The following PADI3 variants were observed in gnomAD, a reference collection of about 807,000 sequenced individuals.
PADI3 encodes the protein protein-arginine deiminase type-3.
In PADI3, 53 loss-of-function variants were observed where a neutral mutation model predicts 71.5. The observed-to-expected ratio is 0.74, with a 90% confidence interval of 0.59 to 0.93. The LOEUF is 0.93. PADI3 is among the 40% of genes least tolerant of loss of function. The probability of loss-of-function intolerance (pLI) is 0.00; values close to 1 mark genes in which losing one functional copy is unlikely to be tolerated. For missense variants in PADI3, 821 were observed against 868.0 expected, an observed-to-expected ratio of 0.95 and a Z score of 0.68; for synonymous variants, 361 against 347.5, an observed-to-expected ratio of 1.04 and a Z score of -0.43.
Position 17,273,372 on chromosome 1 carries a change from G to T in PADI3, c.1080G>T (p.Pro360=), listed in dbSNP as rs150939554. ...TGGAGCTGGGCTACGTTCAGGCGCC[G>T]CACAAGACCCTCCCGGTGGTCTTTG... ...DEMELGYVQA[P]HKTLPVVFDS... is the part of the protein sequence containing the mutation. The change falls in exon 10 of 16, where the codon CCG becomes CCT. Residue 360 remains proline (P), a synonymous_variant. Transcript: ENST00000375460. 1,216 of 1,613,406 alleles carry T rather than the reference G, an allele frequency of 7.5e-4. 10 individuals carry two copies. In the East Asian group the frequency reaches 0.025, roughly 33 times the overall value.
chr1:17,282,869 G>A lies in PADI3; in HGVS notation c.1785G>A (p.Lys595=). 1 of 1,613,084 alleles carries A rather than the reference G, an allele frequency of 6.2e-7. No individual in the cohort carries two copies. The highest frequency in any genetic ancestry group is 8.5e-7 in the Non-Finnish European group (1 of 1,179,544). ...PDLVNMLVLG[K]HLGIPKPFGP... ...AGGTGAACATGCTGGTGCTGGGGAAGCACCTGGGCATCCCCAAGCCCTTTG... is the reference window on the plus strand; with the variant it reads ...AGGTGAACATGCTGGTGCTGGGGAAACACCTGGGCATCCCCAAGCCCTTTG... The change falls in exon 16 of 16, where the codon AAG becomes AAA. Residue 595 remains lysine (K), a synonymous_variant. Coordinates refer to ENST00000375460, the MANE Select transcript of PADI3 (RefSeq NM_016233.2).
Position 17,262,163 on chromosome 1 carries a change from C to A in PADI3, c.304C>A (p.Pro102Thr). ...VQISYHSSHE[P>T]LPLAYAVLYL... is the part of the protein sequence containing the mutation. ...GATTTCCTACCACTCCAGCCATGAG[C>A]CTCTGCCCCTGGCCTATGCGGTGCT... Residue 102 changes from proline to threonine, a missense_variant, in exon 3 of 16, where the codon CCT becomes ACT. By Grantham distance (38) the Pro-to-Thr change is conservative. Coordinates refer to ENST00000375460, the MANE Select transcript of PADI3 (RefSeq NM_016233.2). 6.2e-7 allele frequency: 1 copy of A among 1,613,528 alleles called. No homozygotes were observed. Among genetic ancestry groups the A allele is most frequent in the South Asian group, 1.1e-5 (1 of 90,964 alleles).
chr1:17,259,315 C>T (rs2073070565), intron 1 of PADI3, among the ~76,000 whole-genome samples: 1 of 152,144 alleles, frequency 6.6e-6, no homozygotes, highest in Admixed American at 6.5e-5. Flanking sequence ...GCCTCGGCTT[C>T]CCAAAGTGCC....
intron 11 of PADI3, among the ~76,000 whole-genome samples, chr1:17,275,311 C>T (rs1353472588): frequency 6.6e-6 from 1 of 151,510 alleles, no homozygotes; most frequent in African/African-American, 2.4e-5. Flanking sequence ...GTGGCAGGCG[C>T]CTGTAGTCCC....
chr1:17,270,383 A>G lies in PADI3; in HGVS notation c.803A>G (p.His268Arg), dbSNP rs545833552. 8.6e-5 allele frequency: 139 copies of G among 1,613,452 alleles called. No individual in the cohort carries two copies. The South Asian group carries it at 1.5e-3, about 17-fold the overall frequency. Residue 268 changes from histidine (H) to arginine (R), a missense_variant, in exon 7 of 16, where the codon CAT becomes CGT. Transcript: ENST00000375460. ...GGCTTCACAGGACTCATCTCCTTCCATGTCACTCTGCTGGACGACTCCAAC... is the reference window on the plus strand; with the variant it reads ...GGCTTCACAGGACTCATCTCCTTCCGTGTCACTCTGCTGGACGACTCCAAC... Reference protein sequence around the residue: ...DAGFTGLISFHVTLLDDSNED... With the variant: ...DAGFTGLISFRVTLLDDSNED...
At position 17,283,271 on chromosome 1, in the gene PADI3, A is replaced by G. The variant is rs1055107074; in HGVS notation, c.*192A>G. 6.5e-5 allele frequency: 37 copies of G among 571,664 alleles called. No homozygotes were observed. In the South Asian group the frequency reaches 8.3e-4, roughly 13 times the overall value. The allele number at this position is 571,664 out of a possible 1,614,324, so 35.4% of individuals were successfully genotyped here. Reference sequence around the variant, plus strand: ...CTCACCTGCAACCCATGTGGTTCTCAGACTTGAATCTTCTCGGCCCCCCAA... The same window carrying G: ...CTCACCTGCAACCCATGTGGTTCTCGGACTTGAATCTTCTCGGCCCCCCAA... On this transcript the variant is annotated 3_prime_UTR_variant, in exon 16 of 16. Transcript: ENST00000375460.
At chr1:17,274,836 G>C (rs114776918) in intron 11 of PADI3, 50 bp downstream of exon 11, 1 of 1,583,498 alleles carries the variant, frequency 6.3e-7, no homozygotes, top group African/African-American at 1.3e-5. Context: ...CTGAGGGTTG[G>C]GGGTGGTGAT....
At chr1:17,268,941 A>C (rs1452782638) in intron 6 of PADI3, among the ~76,000 whole-genome samples, 4 of 145,726 alleles carry the variant, frequency 2.7e-5, no homozygotes, top group African/African-American at 1.0e-4. Flanking sequence ...GCTGGAGTGC[A>C]GTGGCATGAT....
At chr1:17,273,032 C>T (rs1054380097) in intron 9 of PADI3, among the ~76,000 whole-genome samples, 1 of 152,146 alleles carries the variant, frequency 6.6e-6, no homozygotes. Flanking sequence ...ACTGTGAGTG[C>T]TTCTCTGTGT....
Position 17,283,399 on chromosome 1 carries a change from T to C in PADI3, c.*320T>C, listed in dbSNP as rs1462291597. The C allele has an allele frequency of 1.3e-5, 4 of 312,878 alleles. No homozygotes were observed. Among genetic ancestry groups the C allele is most frequent in the Non-Finnish European group, 1.8e-5 (3 of 165,718 alleles). The allele number at this position is 312,878 out of a possible 1,614,324, so 19.4% of individuals were successfully genotyped here. A position where few individuals can be genotyped will look rare whatever the true frequency, so the allele number is the denominator to read the frequency against. On this transcript the variant is annotated 3_prime_UTR_variant, in exon 16 of 16. Coordinates refer to ENST00000375460, the MANE Select transcript of PADI3 (RefSeq NM_016233.2). ...TCATCCATTTGGGGACAAATCCACATTGGGGTCTAGAAACATCCACGTATC... is the reference window on the plus strand; with the variant it reads ...TCATCCATTTGGGGACAAATCCACACTGGGGTCTAGAAACATCCACGTATC...
At chr1:17,260,663 T>TC (rs1205048227) in intron 2 of PADI3, among the ~76,000 whole-genome samples, 1 of 152,148 alleles carries the variant, frequency 6.6e-6, no homozygotes, top group Non-Finnish European at 1.5e-5. Context: ...CCACCTCTGT[T>TC]CCCAGCCATG....
intron 10 of PADI3, 152 bp downstream of exon 10, chr1:17,273,599 C>T (rs1469857412): frequency 1.9e-6 from 1 of 513,388 alleles, no homozygotes; most frequent in African/African-American, 1.9e-5. Context: ...GATGCCCAGT[C>T]AAATGTGAAT....
chr1:17,270,698 G>C (rs2073235525), intron 7 of PADI3, among the ~76,000 whole-genome samples, 181 bp from the exon 8 acceptor site: 1 of 151,962 alleles, frequency 6.6e-6, no homozygotes, highest in African/African-American at 2.4e-5. Flanking sequence ...TCCATTCCTG[G>C]TAAGTCTACC....
intron 1 of PADI3, among the ~76,000 whole-genome samples, chr1:17,257,097 C>T (rs1374673349): frequency 2.0e-5 from 3 of 147,308 alleles, no homozygotes; most frequent in East Asian, 2.0e-4. Flanking sequence ...GCCTCAGGAG[C>T]GTGGCTGAGG....
chr1:17,277,022 C>A, intron 13 of PADI3, 146 bp downstream of exon 13: 1 of 667,742 alleles, frequency 1.5e-6, no homozygotes, highest in Non-Finnish European at 2.6e-6. Flanking sequence ...CCCTGCACAC[C>A]TTGCTTCACC....
intron 1 of PADI3, among the ~76,000 whole-genome samples, chr1:17,256,797 C>T (rs1275628954): frequency 1.3e-5 from 2 of 152,118 alleles, no homozygotes; most frequent in African/African-American, 4.8e-5. Flanking sequence ...AGCTGGGAGG[C>T]TGAGGCAGGC....
intron 3 of PADI3, among the ~76,000 whole-genome samples, chr1:17,265,106 T>A (rs2073150682): frequency 6.6e-6 from 1 of 152,134 alleles, no homozygotes; most frequent in South Asian, 2.1e-4. Flanking sequence ...TGCTTTTTTT[T>A]CAGAGCAGAA....
At chr1:17,277,148 G>T (rs1420275088) in intron 13 of PADI3, among the ~76,000 whole-genome samples, 1 of 152,136 alleles carries the variant, frequency 6.6e-6, no homozygotes, top group African/African-American at 2.4e-5. Flanking sequence ...GTGCAGTCAC[G>T]GCGTGGAGCT....
intron 15 of PADI3, 54 bp from the exon 16 acceptor site, chr1:17,282,792 G>C: frequency 7.5e-7 from 1 of 1,325,140 alleles, no homozygotes; most frequent in Non-Finnish European, 1.1e-6. Flanking sequence ...AGGTAGAGTA[G>C]AGGTGTGGGG....
Sources: allele counts gnomAD v4.1 joint callset (sites outside exome capture counted in the v4.1 genomes callset), GRCh38; gene constraint gnomAD v4.1.1; transcripts MANE v1.5; gene names NCBI Gene and HGNC (gene_info 2026-07-23, HGNC 2026-07-21).